The following PCDH7 variants were observed in gnomAD, a reference collection of about 807,000 sequenced individuals.
PCDH7 encodes the protein protocadherin-7.
Under a neutral mutation model 58.9 loss-of-function variants are expected in PCDH7, and 17 were observed. The ratio of observed to expected loss-of-function variants is 0.29; its 90% confidence interval spans 0.20 to 0.43. The LOEUF is 0.43. Ranked by LOEUF, PCDH7 falls within the 20% of genes least tolerant of loss-of-function variation. PCDH7 has a pLI of 1.00. For synonymous variants in PCDH7, 664 were observed against 616.4 expected, an observed-to-expected ratio of 1.08 and a Z score of -1.14; for missense variants, 1,274 against 1,441.0, an observed-to-expected ratio of 0.88 and a Z score of 1.88.
chr4:31,043,749 C>T (rs1233394756), intron 3 of PCDH7, among the ~76,000 whole-genome samples: 1 of 151,170 alleles, frequency 6.6e-6, no homozygotes, highest in Admixed American at 6.6e-5. Context: ...TGTTTGTTCA[C>T]TCTGATAATA....
chr4:30,854,909 T>C (rs1733263698), intron 1 of PCDH7, among the ~76,000 whole-genome samples: 3 of 152,252 alleles, frequency 2.0e-5, no homozygotes, highest in Middle Eastern at 3.4e-3. Flanking sequence ...GAAAAACTTT[T>C]CAGGTAAAAC....
rs147096070 is a variant in PCDH7, at chr4:31,128,482, C to T, written c.*8-13991C>T. On this transcript the variant is annotated intron_variant, in intron 3 of 3. Transcript: ENST00000509759. Reference sequence around the variant, plus strand: ...TTCATCTCTTCTATCAGAAACATTTCATCTGTGTTTTGAAAATTTTCATCT... The same window carrying T: ...TTCATCTCTTCTATCAGAAACATTTTATCTGTGTTTTGAAAATTTTCATCT... Among the ~76,000 whole-genome samples the T allele has an allele frequency of 3.5e-3, 527 of 152,188 alleles. 2 individuals carry two copies. The highest frequency in any genetic ancestry group is 6.3e-3 in the Non-Finnish European group (430 of 68,012).
chr4:31,146,397 A>G (rs1720674253), downstream of PCDH7: 1 of 152,088 alleles, frequency 6.6e-6, no homozygotes, highest in Non-Finnish European at 1.5e-5. Flanking sequence ...AAAAGTGAGC[A>G]TGATCATGAA....
chr4:30,887,773 G>T (rs1197284177), intron 1 of PCDH7, among the ~76,000 whole-genome samples: 6 of 151,956 alleles, frequency 3.9e-5, no homozygotes, highest in Non-Finnish European at 8.8e-5. Flanking sequence ...ACTCAATGAA[G>T]TTTATGAGTT....
intron 3 of PCDH7, among the ~76,000 whole-genome samples, chr4:31,090,020 TGTC>T (rs1713021989): frequency 6.6e-6 from 1 of 152,056 alleles, no homozygotes; most frequent in African/African-American, 2.4e-5. Flanking sequence ...CTGACTCAGA[TGTC>T]GTGTACATAG....
chr4:30,982,237 C>G (rs996259375), intron 3 of PCDH7, among the ~76,000 whole-genome samples: 1 of 152,102 alleles, frequency 6.6e-6, no homozygotes, highest in Admixed American at 6.6e-5. Context: ...CACACAGGAG[C>G]AGTGTGCCAA....
At chr4:30,992,838 G>A (rs538645326) in intron 3 of PCDH7, among the ~76,000 whole-genome samples, 19 of 121,394 alleles carry the variant, frequency 1.6e-4, no homozygotes, top group South Asian at 1.1e-3. Flanking sequence ...TTGCTCTGTC[G>A]CCAAGGCTGG....
chr4:30,939,623 T>C (rs1745785777), intron 2 of PCDH7, among the ~76,000 whole-genome samples: 2 of 152,136 alleles, frequency 1.3e-5, no homozygotes. Context: ...GAATGAAAGT[T>C]ATATATCTGA....
At chr4:30,745,579 G>A (rs1717671126) in intron 1 of PCDH7, among the ~76,000 whole-genome samples, 1 of 152,074 alleles carries the variant, frequency 6.6e-6, no homozygotes, top group South Asian at 2.1e-4. Flanking sequence ...CTCATGTGGG[G>A]CATCATGCAG....
At chr4:31,094,549 A>G (rs993494995) in intron 3 of PCDH7, among the ~76,000 whole-genome samples, 1 of 152,208 alleles carries the variant, frequency 6.6e-6, no homozygotes, top group African/African-American at 2.4e-5. Flanking sequence ...GACAGGTCAC[A>G]CTGAGATAAC....
At chr4:30,950,455 T>A (rs2109447076) in intron 3 of PCDH7, among the ~76,000 whole-genome samples, 1 of 152,310 alleles carries the variant, frequency 6.6e-6, no homozygotes, top group African/African-American at 2.4e-5. Context: ...TCAGGGAAAG[T>A]TGCTATGCAG....
downstream of PCDH7, chr4:31,145,808 A>T (rs890941201): frequency 2.6e-5 from 4 of 152,090 alleles, no homozygotes; most frequent in Non-Finnish European, 5.9e-5. Context: ...GAGTGAAATC[A>T]GTCCATTTGG....
chr4:30,963,117 G>A (rs2109462340), intron 3 of PCDH7, among the ~76,000 whole-genome samples: 1 of 152,152 alleles, frequency 6.6e-6, no homozygotes, highest in East Asian at 1.9e-4. Context: ...TCAAACCTTG[G>A]CTAATAGTAA....
intron 3 of PCDH7, among the ~76,000 whole-genome samples, chr4:31,099,424 T>A (rs1039345144): frequency 5.9e-5 from 9 of 152,206 alleles, no homozygotes; most frequent in Non-Finnish European, 1.3e-4. Context: ...GATACATTTA[T>A]CAGAAGTGGT....
At chr4:30,933,075 G>T (rs139402848) in intron 2 of PCDH7, among the ~76,000 whole-genome samples, 2,084 of 151,420 alleles carry the variant, frequency 0.014, 45 homozygotes, top group African/African-American at 0.048. Context: ...TCGCCAGGCT[G>T]GAGTGCAGTG....
intron 1 of PCDH7, among the ~76,000 whole-genome samples, chr4:30,775,671 G>A (rs1266308697): frequency 1.3e-5 from 2 of 152,102 alleles, no homozygotes; most frequent in African/African-American, 4.8e-5. Flanking sequence ...ACTTTGGGAG[G>A]CCAAGGCGGG....
At chr4:31,085,991 A>C (rs1712382100) in intron 3 of PCDH7, among the ~76,000 whole-genome samples, 1 of 152,140 alleles carries the variant, frequency 6.6e-6, no homozygotes, top group Non-Finnish European at 1.5e-5. Flanking sequence ...GGAAGTAACA[A>C]AGTAAGTTGA....
chr4:30,810,742 C>T (rs1047125243), intron 1 of PCDH7, among the ~76,000 whole-genome samples: 1 of 151,906 alleles, frequency 6.6e-6, no homozygotes, highest in Non-Finnish European at 1.5e-5. Context: ...TCCCAAGTAG[C>T]TGGGATTACA....
intron 3 of PCDH7, among the ~76,000 whole-genome samples, chr4:31,120,888 C>T (rs1490070751): frequency 3.3e-5 from 5 of 152,128 alleles, no homozygotes; most frequent in African/African-American, 1.2e-4. Context: ...TGTTTCTCTT[C>T]TTCATTCAAT....
Sources: allele counts gnomAD v4.1 joint callset (sites outside exome capture counted in the v4.1 genomes callset), GRCh38; gene constraint gnomAD v4.1.1; transcripts MANE v1.5; gene names NCBI Gene and HGNC (gene_info 2026-07-23, HGNC 2026-07-21).